MAEA: variants seen among roughly 807,000 people sequenced by gnomAD.
The protein encoded by MAEA is macrophage erythroblast attacher, E3 ubiquitin ligase.
Under a neutral mutation model 46.2 loss-of-function variants are expected in MAEA, and 22 were observed. The observed-to-expected ratio is 0.48, with a 90% confidence interval of 0.34 to 0.68. The LOEUF is 0.68. Ranked by LOEUF, MAEA falls within the 30% of genes least tolerant of loss-of-function variation. The pLI, the probability that MAEA is intolerant of heterozygous loss-of-function variation, is 0.01. For synonymous variants in MAEA, 246 were observed against 222.6 expected (o/e 1.11, Z -0.94); for missense variants, 393 against 558.1 (o/e 0.70, Z 2.98).
intron 1 of MAEA, among the ~76,000 whole-genome samples, chr4:1,306,277 G>T (rs1032513655): frequency 6.6e-6 from 1 of 152,186 alleles, no homozygotes; most frequent in Non-Finnish European, 1.5e-5. Context: ...TCATGATGTT[G>T]CACGTCTTCC....
chr4:1,329,933 T>G lies in MAEA; in HGVS notation c.656+2230T>G, dbSNP rs1017933533. ...TCTGAACTCACGGTCCACATGGCGC[T>G]GGAGCGTCGGGCACCATCTACAGGG... On this transcript the variant is annotated intron_variant, in intron 5 of 8. Transcript: ENST00000303400. 19 of 985,500 alleles carry G rather than the reference T, an allele frequency of 1.9e-5. 2 individuals are homozygous for G. Among genetic ancestry groups the G allele is most frequent in the East Asian group, 1.1e-4 (1 of 8,786 alleles). The allele number at this position is 985,500 out of a possible 1,614,324, so 61.0% of individuals were successfully genotyped here. A position where few individuals can be genotyped will look rare whatever the true frequency, so the allele number is the denominator to read the frequency against.
At chr4:1,294,194 T>C (rs1481668159) in intron 1 of MAEA, among the ~76,000 whole-genome samples, 1 of 152,208 alleles carries the variant, frequency 6.6e-6, no homozygotes, top group Non-Finnish European at 1.5e-5. Flanking sequence ...AGAGCCATGG[T>C]CTGCCCTTTG....
At chr4:1,312,349 G>T (rs577927639) in intron 2 of MAEA, 188 bp downstream of exon 2, 1 of 627,506 alleles carries the variant, frequency 1.6e-6, no homozygotes, top group African/African-American at 1.8e-5. Flanking sequence ...TTCCTGTAGG[G>T]ACCGTGTTGT....
intron 2 of MAEA, among the ~76,000 whole-genome samples, chr4:1,315,044 T>C (rs1221230205): frequency 6.6e-6 from 1 of 152,212 alleles, no homozygotes; most frequent in African/African-American, 2.4e-5. Flanking sequence ...AAAAAAGTAT[T>C]GCAAAAGATT....
At chr4:1,323,387 T>C (rs376215458) in intron 4 of MAEA, 17 of 665,996 alleles carry the variant, frequency 2.6e-5, no homozygotes, top group Non-Finnish European at 4.4e-5. Flanking sequence ...CTGCCTCCAT[T>C]AGCAAAACTT....
At chr4:1,307,257 T>C (rs2108891313) in intron 1 of MAEA, among the ~76,000 whole-genome samples, 1 of 152,316 alleles carries the variant, frequency 6.6e-6, no homozygotes, top group East Asian at 1.9e-4. Context: ...ATACCATCTA[T>C]ATCACCATGA....
chr4:1,309,554 A>G, intron 1 of MAEA: 3 of 1,447,298 alleles, frequency 2.1e-6, no homozygotes, highest in Non-Finnish European at 1.8e-6. Flanking sequence ...CTCAGATTGG[A>G]TAGCCCCGGG....
chr4:1,328,206 G>A (rs1017263302), intron 5 of MAEA, among the ~76,000 whole-genome samples: 1 of 152,240 alleles, frequency 6.6e-6, no homozygotes, highest in African/African-American at 2.4e-5. Flanking sequence ...AGGGCGGCGT[G>A]CAGTGAGCTG....
chr4:1,304,220 T>A lies in MAEA; in HGVS notation c.70-7759T>A, dbSNP rs576724310. Among the ~76,000 whole-genome samples the A allele has an allele frequency of 7.2e-5, 11 of 152,302 alleles. No homozygotes were observed. In the South Asian group the frequency reaches 2.3e-3, roughly 32 times the overall value. Reference sequence around the variant, plus strand: ...ATCGTCGTGTGCTGTCAATGTAAAGTATGCCCTAGCTTTCAAAGGTTTAGT... The same window carrying A: ...ATCGTCGTGTGCTGTCAATGTAAAGAATGCCCTAGCTTTCAAAGGTTTAGT... On this transcript the variant is annotated intron_variant, in intron 1 of 8. Coordinates refer to ENST00000303400, the MANE Select transcript of MAEA (RefSeq NM_001017405.3).
At chr4:1,332,530 C>A in intron 5 of MAEA, 1 of 393,402 alleles carries the variant, frequency 2.5e-6, no homozygotes. Context: ...GCCTGGGCAA[C>A]ACAGCGAGAA....
chr4:1,313,809 G>A (rs1415228750), intron 2 of MAEA, among the ~76,000 whole-genome samples: 3 of 152,142 alleles, frequency 2.0e-5, no homozygotes, highest in African/African-American at 7.2e-5. Flanking sequence ...TTGGAAGGGC[G>A]AGGCAGGTAG....
chr4:1,336,194 A>G (rs1238673241), intron 6 of MAEA, among the ~76,000 whole-genome samples: 1 of 151,254 alleles, frequency 6.6e-6, no homozygotes, highest in Non-Finnish European at 1.5e-5. Flanking sequence ...AGAGAGTTCC[A>G]GCACTCGTCC....
At chr4:1,312,399 C>A (rs1234386411) in intron 2 of MAEA, 2 of 539,692 alleles carry the variant, frequency 3.7e-6, no homozygotes, top group Admixed American at 3.6e-5. Context: ...CACAGGGAGA[C>A]CAGGATGTAT....
intron 3 of MAEA, among the ~76,000 whole-genome samples, chr4:1,316,167 G>T (rs368383983): frequency 2.0e-5 from 3 of 152,112 alleles, no homozygotes; most frequent in African/African-American, 7.2e-5. Flanking sequence ...ATCTCAGGCG[G>T]GGTGCGTTTT....
chr4:1,321,013 T>C (rs1214835435), intron 3 of MAEA, among the ~76,000 whole-genome samples: 2 of 152,152 alleles, frequency 1.3e-5, no homozygotes, highest in Admixed American at 6.5e-5. Context: ...GGCAGGAGAA[T>C]GGTGTGAACC....
rs1713241033 is a variant in MAEA at position 1,339,538 on chromosome 4, A to G, written c.*369A>G. The G allele has an allele frequency of 3.8e-6, 1 of 263,260 alleles. No individual in the cohort carries two copies. The allele number at this position is 263,260 out of a possible 1,614,324, so 16.3% of individuals were successfully genotyped here. ...AGTTTCTTTCCTTCTGTGAACGATG[A>G]GACTTGGAGAACGGGCTGGTCCTTC... On this transcript the variant is annotated 3_prime_UTR_variant, in exon 9 of 9. Coordinates refer to ENST00000303400, the MANE Select transcript of MAEA (RefSeq NM_001017405.3).
intron 3 of MAEA, among the ~76,000 whole-genome samples, chr4:1,320,283 A>G (rs1269487317): frequency 1.3e-5 from 2 of 152,074 alleles, no homozygotes; most frequent in Admixed American, 1.3e-4. Flanking sequence ...GGGGCTTCAG[A>G]AAAGAAATCA....
intron 4 of MAEA, among the ~76,000 whole-genome samples, chr4:1,327,103 C>T (rs771261477): frequency 1.2e-4 from 18 of 152,356 alleles, no homozygotes; most frequent in African/African-American, 3.8e-4. Context: ...CCTCCCCACC[C>T]GGGGCATCAG....
intron 1 of MAEA, among the ~76,000 whole-genome samples, chr4:1,308,138 C>T (rs1456148858): frequency 6.6e-6 from 1 of 151,864 alleles, no homozygotes; most frequent in Non-Finnish European, 1.5e-5. Context: ...GTGGTACAGC[C>T]TGTGGCTCCT....
Sources: gnomAD v4.1 joint callset for allele counts (sites outside exome capture counted in the v4.1 genomes callset) on GRCh38, gnomAD v4.1.1 for gene constraint, MANE v1.5 for transcripts, NCBI Gene and HGNC (gene_info 2026-07-23, HGNC 2026-07-21) for gene names.